SLC60A1: variants seen among roughly 807,000 people sequenced by gnomAD.
SLC60A1 encodes solute carrier family 60 member 1.
At chr1:205,573,927 C>T in the SLC60A1 span, among the ~76,000 whole-genome samples, 1 of 151,848 alleles carries the variant, frequency 6.6e-6, no homozygotes, top group South Asian at 2.1e-4. Context: ...GAACTCCTGA[C>T]CTCAAGCAGT....
chr1:205,599,604 G>C, the SLC60A1 span, among the ~76,000 whole-genome samples: 9 of 152,290 alleles, frequency 5.9e-5, no homozygotes, highest in Non-Finnish European at 1.3e-4. Flanking sequence ...GGCAGAGCCC[G>C]ACTCCTTGGC....
the SLC60A1 span, among the ~76,000 whole-genome samples, chr1:205,578,121 C>CGA: frequency 2.4e-4 from 36 of 152,334 alleles, no homozygotes; most frequent in African/African-American, 8.4e-4. Context: ...GCTAGTTCTT[C>CGA]GAGAGAGTTT....
chr1:205,590,169 A>G, the SLC60A1 span, among the ~76,000 whole-genome samples: 2 of 152,136 alleles, frequency 1.3e-5, no homozygotes, highest in Admixed American at 1.3e-4. Context: ...TCATGGCTAG[A>G]GGGATAGATA....
the SLC60A1 span, chr1:205,583,870 A>G: frequency 4.1e-6 from 6 of 1,453,918 alleles, no homozygotes; most frequent in Non-Finnish European, 5.5e-6. Context: ...TCCCAGGACT[A>G]TGCACATGCA....
chr1:205,597,379 T>TGG, the SLC60A1 span, among the ~76,000 whole-genome samples: 5 of 94,266 alleles, frequency 5.3e-5, no homozygotes, highest in South Asian at 3.7e-4. Context: ...GGTTGTTTTT[T>TGG]TTTTTTTTTT....
At chr1:205,597,356 C>T in the SLC60A1 span, among the ~76,000 whole-genome samples, 4 of 145,444 alleles carry the variant, frequency 2.8e-5, no homozygotes, top group African/African-American at 1.0e-4. Context: ...AGAGGTTTCC[C>T]AGAAGCAACC....
chr1:205,585,569 G>C, the SLC60A1 span, among the ~76,000 whole-genome samples: 41 of 152,322 alleles, frequency 2.7e-4, no homozygotes, highest in Middle Eastern at 0.014. This position sits in a 1 kb window ranked among gnomAD's most constrained non-coding sequence, Gnocchi z 4.2. Context: ...TAAAAACTTA[G>C]ATGACCTGGT....
the SLC60A1 span, chr1:205,586,147 G>T: frequency 1.9e-6 from 3 of 1,613,636 alleles, no homozygotes; most frequent in African/African-American, 4.0e-5. Flanking sequence ...CACTGGGCCG[G>T]CTCCTCTCCA....
At chr1:205,595,436 A>T in the SLC60A1 span, among the ~76,000 whole-genome samples, 3 of 152,170 alleles carry the variant, frequency 2.0e-5, no homozygotes. Context: ...TCCCCACTGG[A>T]AAGGTGTGCC....
the SLC60A1 span, chr1:205,592,012 G>A: frequency 7.7e-7 from 1 of 1,291,132 alleles, no homozygotes; most frequent in East Asian, 2.5e-5. Flanking sequence ...TGGCGCGCGG[G>A]TCACACAGCT....
the SLC60A1 span, among the ~76,000 whole-genome samples, chr1:205,586,789 C>T: frequency 1.3e-5 from 2 of 151,876 alleles, no homozygotes; most frequent in Non-Finnish European, 2.9e-5. Flanking sequence ...CTCTGTCTCC[C>T]AGGTTCAAGT....
chr1:205,600,483 G>T, the SLC60A1 span: 2 of 1,612,972 alleles, frequency 1.2e-6, no homozygotes, highest in Non-Finnish European at 1.7e-6. Flanking sequence ...GAAGGCAAGA[G>T]AAGACTTTCA....
chr1:205,579,964 C>T, the SLC60A1 span: 1 of 1,608,748 alleles, frequency 6.2e-7, no homozygotes, highest in Non-Finnish European at 8.5e-7. Flanking sequence ...GCCCGGCCAG[C>T]AGGCACAGGG....
At chr1:205,576,404 G>A in the SLC60A1 span, among the ~76,000 whole-genome samples, 1 of 152,136 alleles carries the variant, frequency 6.6e-6, no homozygotes, top group Non-Finnish European at 1.5e-5. Context: ...TGGACTCCTC[G>A]TGGCAGCCCC....
At chr1:205,576,932 A>C in the SLC60A1 span, among the ~76,000 whole-genome samples, 1 of 151,944 alleles carries the variant, frequency 6.6e-6, no homozygotes, top group Non-Finnish European at 1.5e-5. Context: ...CAGGGAGGGG[A>C]TTTCCCAGGC....
the SLC60A1 span, among the ~76,000 whole-genome samples, chr1:205,572,080 G>C: frequency 6.6e-6 from 1 of 152,178 alleles, no homozygotes; most frequent in Non-Finnish European, 1.5e-5. Flanking sequence ...GTGGAAGGTG[G>C]AGAGCCTTGG....
chr1:205,569,619 C>G, the SLC60A1 span, among the ~76,000 whole-genome samples: 1 of 151,844 alleles, frequency 6.6e-6, no homozygotes, highest in African/African-American at 2.4e-5. Flanking sequence ...CACCCACCGC[C>G]CCGTGGGGAG....
the SLC60A1 span, chr1:205,591,916 G>A: frequency 3.7e-6 from 2 of 540,228 alleles, no homozygotes; most frequent in African/African-American, 3.8e-5. Flanking sequence ...GTGGGAAGAT[G>A]TCTAGGCGGG....
At chr1:205,576,916 G>A in the SLC60A1 span, among the ~76,000 whole-genome samples, 1 of 152,126 alleles carries the variant, frequency 6.6e-6, no homozygotes, top group African/African-American at 2.4e-5. Flanking sequence ...ACAGTCCAGG[G>A]AGATGCAGGG....
Sources: allele counts gnomAD v4.1 joint callset (sites outside exome capture counted in the v4.1 genomes callset), GRCh38; gene constraint gnomAD v4.1.1; non-coding constraint Gnocchi (gnomAD v3.1); transcripts MANE v1.5; gene names NCBI Gene and HGNC (gene_info 2026-07-23, HGNC 2026-07-21).